Variants in EDRF1 observed in about 807,000 individuals in gnomAD.
The protein encoded by EDRF1 is erythroid differentiation regulatory factor 1.
A neutral mutation model predicts 148.7 loss-of-function variants in EDRF1; 69 were observed. The ratio of observed to expected loss-of-function variants is 0.46; its 90% CI spans 0.38 to 0.57. The LOEUF (loss-of-function observed/expected upper bound fraction) is 0.57, where lower values mean the gene tolerates loss of function less well. EDRF1 is among the 20% of genes least tolerant of loss of function. EDRF1 has a pLI of 0.00. For missense variants in EDRF1, 1,118 were observed against 1,478.7 expected (o/e 0.76, Z 4.00); for synonymous variants, 515 against 532.8 (o/e 0.97, Z 0.46).
At chr10:125,752,274 G>A (rs965463669) in intron 22 of EDRF1, among the ~76,000 whole-genome samples, 9 of 152,168 alleles carry the variant, frequency 5.9e-5, no homozygotes, top group African/African-American at 1.7e-4. Flanking sequence ...ACTGCACACC[G>A]CACACAATTG....
chr10:125,761,999 G>T (rs902833119), intron 24 of EDRF1, among the ~76,000 whole-genome samples: 2 of 152,174 alleles, frequency 1.3e-5, no homozygotes, highest in African/African-American at 4.8e-5. Context: ...TACAGATAGG[G>T]AATGCATTTG....
intron 24 of EDRF1, among the ~76,000 whole-genome samples, chr10:125,760,156 G>A (rs1850127697): frequency 6.6e-6 from 1 of 152,198 alleles, no homozygotes; most frequent in African/African-American, 2.4e-5. Flanking sequence ...ATGGTAACAA[G>A]GCTTGGAAAG....
chr10:125,731,268 A>G (rs1848470534), intron 9 of EDRF1, among the ~76,000 whole-genome samples: 1 of 152,270 alleles, frequency 6.6e-6, no homozygotes, highest in Non-Finnish European at 1.5e-5. Flanking sequence ...AGAGAACAGT[A>G]GGAGACAGAT....
rs373773564 is a variant in EDRF1, at chr10:125,725,757, A to T, written c.711A>T (p.Thr237=). The T allele has an allele frequency of 6.2e-7, 1 of 1,614,034 alleles. No homozygotes were observed. Among genetic ancestry groups the T allele is most frequent in the Non-Finnish European group, 8.5e-7 (1 of 1,180,014 alleles). Reference sequence around the variant, plus strand: ...AGGAATCGTCCAGTTCAGATCAGACAAATGATTCGGAAGGGGCTTCATGGC... The same window carrying T: ...AGGAATCGTCCAGTTCAGATCAGACTAATGATTCGGAAGGGGCTTCATGGC... ...EQQESSSSDQ[T]NDSEGASWPA... Residue 237 remains threonine, a synonymous_variant, in exon 6 of 25, where the codon ACA becomes ACT. Transcript: ENST00000356792.
intron 24 of EDRF1, among the ~76,000 whole-genome samples, chr10:125,757,698 G>A (rs1849980029): frequency 6.6e-6 from 1 of 152,234 alleles, no homozygotes; most frequent in Admixed American, 6.5e-5. Flanking sequence ...TTTGAGCAGA[G>A]TATAGAATTC....
intron 24 of EDRF1, among the ~76,000 whole-genome samples, chr10:125,754,076 A>G (rs1481815034): frequency 6.6e-6 from 1 of 151,978 alleles, no homozygotes; most frequent in Non-Finnish European, 1.5e-5. Flanking sequence ...ACTAACCGGT[A>G]TGGTGGCGGG....
At chr10:125,721,468 T>C in intron 2 of EDRF1, 56 bp downstream of exon 2, 1 of 1,505,716 alleles carries the variant, frequency 6.6e-7, no homozygotes, top group Non-Finnish European at 9.2e-7. Flanking sequence ...TTAAAACTCT[T>C]ATTTGCTTTT....
At chr10:125,726,218 A>T (rs1481150654) in intron 6 of EDRF1, among the ~76,000 whole-genome samples, 3 of 152,148 alleles carry the variant, frequency 2.0e-5, no homozygotes, top group Non-Finnish European at 4.4e-5. Context: ...ATCTGTCAAT[A>T]TTTGATAGAC....
At chr10:125,720,019 A>G (rs1386749932) in intron 1 of EDRF1, 104 bp downstream of exon 1, 2 of 1,044,280 alleles carry the variant, frequency 1.9e-6, no homozygotes, top group African/African-American at 1.6e-5. Context: ...AGGCTTCTCC[A>G]TGTTTCCCTG....
At position 125,729,479 on chromosome 10, in the gene EDRF1, G is replaced by A; in HGVS notation, c.1016G>A (p.Arg339Lys). The A allele has an allele frequency of 6.2e-7, 1 of 1,614,144 alleles. No individual in the cohort carries two copies. Among genetic ancestry groups the A allele is most frequent in the Non-Finnish European group, 8.5e-7 (1 of 1,180,024 alleles). The change falls in exon 8 of 25, where the codon AGG becomes AAG. Residue 339 changes from arginine to lysine, a missense_variant and splice_region_variant. Physicochemically the swap from Arg to Lys is conservative, Grantham distance 26. Coordinates refer to ENST00000356792, the MANE Select transcript of EDRF1 (RefSeq NM_001202438.2). The stretch of plus-strand genomic sequence containing the variant: ...TACCCAGCAGTCAGCTTACGTCTCA[G>A]GTGAACTAACATCATACCCCTCCTC... ...GRYPAVSLRLRDNNKPINVLT... is the reference protein window; with the variant it reads ...GRYPAVSLRLKDNNKPINVLT...
At position 125,749,437 on chromosome 10, in the gene EDRF1, A is replaced by C. The variant is rs761179640; in HGVS notation, c.3149A>C (p.Gln1050Pro). The change falls in exon 22 of 25, where the codon CAA becomes CCA. Residue 1050 changes from glutamine to proline, a missense_variant. Transcript: ENST00000356792. ...NQVGDEHLRK[Q>P]HRVLADLHYS... is the part of the protein sequence containing the mutation. ...GTTGGTGATGAACACCTTAGGAAAC[A>C]ACACCGGGTGCTGGCAGATCTTCAT... 6.2e-7 allele frequency: 1 copy of C among 1,614,192 alleles called. No homozygotes were observed. The highest frequency in any genetic ancestry group is 8.5e-7 in the Non-Finnish European group (1 of 1,180,030).
chr10:125,722,959 G>A (rs1848077965), intron 2 of EDRF1, 109 bp from the exon 3 acceptor site: 2 of 958,098 alleles, frequency 2.1e-6, no homozygotes, highest in Non-Finnish European at 3.4e-6. Flanking sequence ...TTGTTAAAAT[G>A]TGGAAAATGT....
In EDRF1 at chr10:125,763,490, C is replaced by T; in HGVS notation, c.*18C>T. 31 of 1,602,832 alleles carry T rather than the reference C, an allele frequency of 1.9e-5. No homozygotes were observed. Among genetic ancestry groups the T allele is most frequent in the Non-Finnish European group, 2.6e-5 (31 of 1,179,290 alleles). On this transcript the variant is annotated 3_prime_UTR_variant, in exon 25 of 25. Coordinates refer to ENST00000356792, the MANE Select transcript of EDRF1 (RefSeq NM_001202438.2). This position sits in a 1 kb window ranked among gnomAD's most constrained non-coding sequence, Gnocchi z 4.3. ...TTCAGTGACTGCACAGAGCCGTGTC[C>T]CAGACACGCTGTCAGTGCCTTCAAC... is the stretch of plus-strand genomic sequence containing the variant.
chr10:125,737,858 A>G (rs1848817955), intron 13 of EDRF1, 60 bp from the exon 14 acceptor site: 2 of 1,493,482 alleles, frequency 1.3e-6, no homozygotes, highest in Non-Finnish European at 1.9e-6. Context: ...TTCAACAAAA[A>G]CAATATGTTG....
rs1400293803 is a variant in EDRF1, at chr10:125,747,953, C to G, written c.3064C>G (p.Arg1022Gly). The change falls in exon 21 of 25, where the codon CGA becomes GGA. Residue 1022 changes from arginine (R) to glycine (G), a missense_variant. Around this residue, in one of 3 missense-constraint regions of EDRF1, gnomAD observed 954 missense variants for 1,241.4 expected, o/e 0.77. Coordinates refer to ENST00000356792, the MANE Select transcript of EDRF1 (RefSeq NM_001202438.2). ...VSARQPLCQY[R>G]AATIHHRLAS... ...TGCTCGACAGCCCCTTTGTCAGTAT[C>G]GAGCTGCAACCATCCATCACAGGCT... The G allele has an allele frequency of 6.2e-7, 1 of 1,614,202 alleles. No individual in the cohort carries two copies. The highest frequency in any genetic ancestry group is 8.5e-7 in the Non-Finnish European group (1 of 1,180,028).
At chr10:125,749,167 A>C (rs1849521143) in intron 21 of EDRF1, 1 of 481,410 alleles carries the variant, frequency 2.1e-6, no homozygotes, top group African/African-American at 2.0e-5. Flanking sequence ...GAATTGCTTG[A>C]GTTCAGGAGG....
Position 125,743,262 on chromosome 10 carries a change from A to G in EDRF1, c.2576A>G (p.Gln859Arg). The G allele has an allele frequency of 1.2e-6, 2 of 1,613,192 alleles. No homozygotes were observed. Among genetic ancestry groups the G allele is most frequent in the Non-Finnish European group, 1.7e-6 (2 of 1,179,314 alleles). The change falls in exon 18 of 25, where the codon CAG becomes CGG. Residue 859 changes from glutamine (Q) to arginine (R), a missense_variant. By Grantham distance (43) the Gln-to-Arg change is conservative. Transcript: ENST00000356792. ...VFYMNQAAALQSERLVSKSVS... is the reference protein window; with the variant it reads ...VFYMNQAAALRSERLVSKSVS... ...TACATGAATCAGGCTGCTGCATTAC[A>G]GAGTGAGAGACTAGGTGAGTATCTC... is the stretch of plus-strand genomic sequence containing the variant.
chr10:125,734,057 A>G lies in EDRF1; in HGVS notation c.1386-15A>G, dbSNP rs1014578098. ...ATGAAATGGGCAGTAAAGTTGATATAAACTCTTTTTTTAGGGTTGCTTGCA... is the reference window on the plus strand; with the variant it reads ...ATGAAATGGGCAGTAAAGTTGATATGAACTCTTTTTTTAGGGTTGCTTGCA... On this transcript the variant is annotated splice_polypyrimidine_tract_variant and intron_variant, in intron 11 of 24. Coordinates refer to ENST00000356792, the MANE Select transcript of EDRF1 (RefSeq NM_001202438.2). 6.3e-7 allele frequency: 1 copy of G among 1,598,946 alleles called. No homozygotes were observed. The highest frequency in any genetic ancestry group is 8.6e-7 in the Non-Finnish European group (1 of 1,166,466).
At chr10:125,734,878 A>G (rs750054482) in intron 12 of EDRF1, among the ~76,000 whole-genome samples, 27 of 152,128 alleles carry the variant, frequency 1.8e-4, no homozygotes, top group Non-Finnish European at 3.4e-4. Context: ...AAGATACGCA[A>G]TTTTTCTTTG....
Sources: gnomAD v4.1 joint callset for allele counts (sites outside exome capture counted in the v4.1 genomes callset) on GRCh38, gnomAD v4.1.1 for gene constraint, gnomAD v4.1.1 regional missense constraint, Gnocchi (gnomAD v3.1) non-coding constraint, MANE v1.5 for transcripts, NCBI Gene and HGNC (gene_info 2026-07-23, HGNC 2026-07-21) for gene names.